The following NOX4 variants were observed in gnomAD, a reference collection of about 807,000 sequenced individuals.
NOX4 encodes the protein NADPH oxidase 4, also known as kidney oxidase-1.
In NOX4, 69 loss-of-function variants were observed where a neutral mutation model predicts 87.6. The observed-to-expected ratio is 0.79, with a 90% CI of 0.65 to 0.96. NOX4 has a LOEUF of 0.96. Ranked by LOEUF, NOX4 falls within the 40% of genes least tolerant of loss-of-function variation. NOX4 has a pLI of 0.00. For synonymous variants in NOX4, 275 were observed against 238.2 expected, an observed-to-expected ratio of 1.15 and a Z score of -1.42; for missense variants, 680 against 681.5, an observed-to-expected ratio of 1.00 and a Z score of 0.02.
chr11:89,546,556 T>C, the NOX4 span: 1 of 152,170 alleles, frequency 6.6e-6, no homozygotes, highest in Non-Finnish European at 1.5e-5. Context: ...TTTCTTATGG[T>C]TTCTGTCTTA....
intron 2 of NOX4, among the ~76,000 whole-genome samples, chr11:89,465,145 C>T (rs1033707008): frequency 1.3e-5 from 2 of 152,092 alleles, no homozygotes; most frequent in Non-Finnish European, 2.9e-5. Flanking sequence ...CCCTAGCCCC[C>T]CACCACCCAA....
intron 12 of NOX4, among the ~76,000 whole-genome samples, chr11:89,370,871 T>C (rs1161267544): frequency 2.0e-5 from 3 of 152,028 alleles, no homozygotes; most frequent in South Asian, 4.1e-4. Context: ...TAGCTAGGTA[T>C]AGTTGATTAG....
the NOX4 span, among the ~76,000 whole-genome samples, chr11:89,538,934 C>T: frequency 6.6e-6 from 1 of 152,026 alleles, no homozygotes; most frequent in Non-Finnish European, 1.5e-5. Flanking sequence ...TGATGTCATG[C>T]TGGGGATGAG....
chr11:89,345,831 A>C (rs1946193383), intron 13 of NOX4, among the ~76,000 whole-genome samples: 1 of 152,250 alleles, frequency 6.6e-6, no homozygotes. Context: ...CAAACCCACA[A>C]CCAACATGAT....
the NOX4 span, among the ~76,000 whole-genome samples, chr11:89,577,860 T>C: frequency 1.7e-4 from 26 of 152,242 alleles, no homozygotes; most frequent in East Asian, 4.8e-3. Context: ...ATTTTACTTT[T>C]CCAAAGATTT....
intron 12 of NOX4, among the ~76,000 whole-genome samples, chr11:89,359,652 TAAGA>T (rs1322371867): frequency 1.3e-5 from 2 of 152,050 alleles, no homozygotes; most frequent in Admixed American, 6.6e-5. Context: ...AACAGCAACC[TAAGA>T]AAGACCTATT....
At chr11:89,497,627 G>T (rs1312652177) in intron 1 of NOX4, among the ~76,000 whole-genome samples, 1 of 152,112 alleles carries the variant, frequency 6.6e-6, no homozygotes, top group African/African-American at 2.4e-5. Flanking sequence ...CACTTAGAGG[G>T]TATTTATTTA....
intron 7 of NOX4, among the ~76,000 whole-genome samples, chr11:89,427,647 T>G (rs1186454700): frequency 1.3e-5 from 2 of 151,924 alleles, no homozygotes; most frequent in Non-Finnish European, 2.9e-5. Flanking sequence ...ATGAATGAAA[T>G]GAAGTGAGAA....
intron 2 of NOX4, among the ~76,000 whole-genome samples, chr11:89,462,103 A>T (rs1945496448): frequency 6.6e-6 from 1 of 152,136 alleles, no homozygotes; most frequent in Non-Finnish European, 1.5e-5. Context: ...TTTTAAAAAC[A>T]TATTTTAAAG....
At chr11:89,409,506 A>T (rs1328619583) in intron 8 of NOX4, among the ~76,000 whole-genome samples, 3 of 152,216 alleles carry the variant, frequency 2.0e-5, no homozygotes, top group Non-Finnish European at 2.9e-5. Context: ...ATATACATAC[A>T]AGCTATAGAA....
upstream of NOX4, chr11:89,491,567 G>A: frequency 2.8e-6 from 1 of 360,554 alleles, no homozygotes; most frequent in South Asian, 5.9e-5. Context: ...TTGTCTAGGG[G>A]CGAGCCTGTT....
the NOX4 span, among the ~76,000 whole-genome samples, chr11:89,585,335 T>C: frequency 6.6e-6 from 1 of 152,172 alleles, no homozygotes; most frequent in East Asian, 1.9e-4. Context: ...AAATCCACTG[T>C]TTGTGGTAAA....
chr11:89,391,972 TC>T (rs1941161450), intron 11 of NOX4, among the ~76,000 whole-genome samples: 1 of 149,726 alleles, frequency 6.7e-6, no homozygotes. Flanking sequence ...CTTCCTTCCT[TC>T]CTTCTTTCCT....
chr11:89,363,667 A>G (rs367810956), intron 12 of NOX4, among the ~76,000 whole-genome samples: 1 of 152,116 alleles, frequency 6.6e-6, no homozygotes, highest in African/African-American at 2.4e-5. Flanking sequence ...TTAATCTTAG[A>G]AAAACAAATT....
At position 89,439,227 on chromosome 11, in the gene NOX4, C is replaced by T. The variant is rs551913887; in HGVS notation, c.475+1461G>A. The stretch of plus-strand genomic sequence containing the variant: ...TTAAACAAAGCTTTTGTTTCTCTCT[C>T]TTAAATGAATTCACTGTAAACCAAA... On this transcript the variant is annotated intron_variant, in intron 6 of 17. Transcript: ENST00000263317. Among the ~76,000 whole-genome samples, 206 of 151,010 alleles carry T rather than the reference C, an allele frequency of 1.4e-3. 1 individual carries two copies. Among genetic ancestry groups the T allele is most frequent in the African/African-American group, 4.8e-3 (197 of 41,242 alleles).
At chr11:89,388,275 C>G (rs1429616633) in intron 11 of NOX4, among the ~76,000 whole-genome samples, 2 of 152,154 alleles carry the variant, frequency 1.3e-5, no homozygotes, top group Non-Finnish European at 2.9e-5. Context: ...GATCAACACA[C>G]TCATTCACCA....
At chr11:89,540,237 C>T in the NOX4 span, among the ~76,000 whole-genome samples, 50 of 152,236 alleles carry the variant, frequency 3.3e-4, no homozygotes, top group East Asian at 9.5e-3. Context: ...CTAGCTAGTA[C>T]ATGTTATCAG....
At chr11:89,335,248 G>A (rs185044081) in intron 17 of NOX4, among the ~76,000 whole-genome samples, 31 of 151,868 alleles carry the variant, frequency 2.0e-4, no homozygotes, top group Admixed American at 1.6e-3. Context: ...GCTGGTCTGT[G>A]CCCTGAAATG....
rs1254711262 is a variant in NOX4, at chr11:89,388,629, A to G, written c.1074+11388T>C. On this transcript the variant is annotated intron_variant, in intron 11 of 17. Coordinates refer to ENST00000263317, the MANE Select transcript of NOX4 (RefSeq NM_016931.5). ...ATCTGCTGCATGCAATATGCCTGCCAGCCTGTTTTCAAGGAAACCTAACCT... is the reference window on the plus strand; with the variant it reads ...ATCTGCTGCATGCAATATGCCTGCCGGCCTGTTTTCAAGGAAACCTAACCT... 2.6e-5 allele frequency among the ~76,000 whole-genome samples: 4 copies of G among 152,184 alleles called. No homozygotes were observed. In the East Asian group the frequency reaches 5.8e-4, roughly 22 times the overall value.
Sources: allele counts gnomAD v4.1 joint callset (sites outside exome capture counted in the v4.1 genomes callset), GRCh38; gene constraint gnomAD v4.1.1; transcripts MANE v1.5; gene names NCBI Gene and HGNC (gene_info 2026-07-23, HGNC 2026-07-21).